The following RHOU variants were observed in gnomAD, a reference collection of about 807,000 sequenced individuals.
RHOU encodes ras homolog family member U, also known as rho-related GTP-binding protein RhoU.
RHOU carries 8 observed loss-of-function variants against 12.6 expected under a neutral mutation model. The ratio of observed to expected loss-of-function variants is 0.64; its 90% CI spans 0.37 to 1.15. RHOU has a LOEUF of 1.15. Among genes scored for constraint, RHOU ranks in the 50% most tolerant of loss-of-function variants. The probability of loss-of-function intolerance (pLI) is 0.01; values close to 1 mark genes in which losing one functional copy is unlikely to be tolerated. For missense variants in RHOU, 258 were observed against 347.0 expected (o/e 0.74, Z 2.04); for synonymous variants, 161 against 147.4 (o/e 1.09, Z -0.67).
the RHOU span, among the ~76,000 whole-genome samples, chr1:228,719,985 G>T: frequency 6.6e-6 from 1 of 151,980 alleles, no homozygotes; most frequent in Non-Finnish European, 1.5e-5. Flanking sequence ...TTAGACATAA[G>T]CACCCTTTTA....
chr1:228,741,277 C>T (rs1406888184), intron 2 of RHOU, among the ~76,000 whole-genome samples: 1 of 152,128 alleles, frequency 6.6e-6, no homozygotes, highest in Non-Finnish European at 1.5e-5. Flanking sequence ...CCTCATTGCA[C>T]GTGTGTATTG....
At chr1:228,671,477 G>A in the RHOU span, among the ~76,000 whole-genome samples, 1 of 152,046 alleles carries the variant, frequency 6.6e-6, no homozygotes, top group East Asian at 1.9e-4. Context: ...AGCACTTTGG[G>A]AGGCCGAGGC....
the RHOU span, among the ~76,000 whole-genome samples, chr1:228,697,116 A>G: frequency 6.6e-6 from 1 of 152,152 alleles, no homozygotes; most frequent in Admixed American, 6.5e-5. Context: ...GGACAGTTAG[A>G]TGTAATAAAA....
At chr1:228,741,677 A>G (rs977136815) in intron 2 of RHOU, among the ~76,000 whole-genome samples, 1 of 152,126 alleles carries the variant, frequency 6.6e-6, no homozygotes, top group Admixed American at 6.5e-5. Context: ...TTTTCTTTTT[A>G]AAAATTTTTT....
the RHOU span, among the ~76,000 whole-genome samples, chr1:228,663,000 C>T: frequency 2.0e-4 from 31 of 152,278 alleles, no homozygotes; most frequent in African/African-American, 7.5e-4. Context: ...CAGAGGTCCA[C>T]AACTACAGAT....
At chr1:228,734,323 G>A (rs1217626573), upstream of RHOU, among the ~76,000 whole-genome samples, 1 of 151,920 alleles carries the variant, frequency 6.6e-6, no homozygotes, top group South Asian at 2.1e-4. Flanking sequence ...ATCCATCTCT[G>A]CATTCTGACC....
At chr1:228,647,711 T>C in the RHOU span, among the ~76,000 whole-genome samples, 54 of 152,336 alleles carry the variant, frequency 3.5e-4, no homozygotes, top group African/African-American at 1.3e-3. Flanking sequence ...GTGTTTCTGC[T>C]GGATCCGGTT....
chr1:228,742,222 C>T (rs1414255899), intron 2 of RHOU, among the ~76,000 whole-genome samples: 1 of 152,172 alleles, frequency 6.6e-6, no homozygotes, highest in Non-Finnish European at 1.5e-5. Flanking sequence ...TGTCAGTTAG[C>T]TGAATATGGT....
At chr1:228,726,808 A>G in the RHOU span, among the ~76,000 whole-genome samples, 2 of 152,218 alleles carry the variant, frequency 1.3e-5, no homozygotes, top group East Asian at 3.9e-4. Context: ...TAAATATGAC[A>G]ATGCATGTAT....
chr1:228,677,945 G>A, the RHOU span, among the ~76,000 whole-genome samples: 1 of 152,184 alleles, frequency 6.6e-6, no homozygotes, highest in Non-Finnish European at 1.5e-5. Flanking sequence ...GACTGTGGTG[G>A]CCTTCTCAGA....
chr1:228,701,528 C>G, the RHOU span, among the ~76,000 whole-genome samples: 1 of 151,802 alleles, frequency 6.6e-6, no homozygotes, highest in Non-Finnish European at 1.5e-5. Context: ...AAGAGAAAAC[C>G]AAAGTTTGCT....
chr1:228,678,562 TAA>T, the RHOU span, among the ~76,000 whole-genome samples: 74 of 152,304 alleles, frequency 4.9e-4, 1 homozygote, highest in Non-Finnish European at 2.2e-4. Flanking sequence ...GAGTTTTTAT[TAA>T]AGAGGCATTA....
Position 228,735,690 on chromosome 1 carries a change from C to T in RHOU, c.-53C>T. The T allele has an allele frequency of 1.1e-5, 13 of 1,179,652 alleles. No individual in the cohort carries two copies. The highest frequency in any genetic ancestry group is 1.4e-5 in the Non-Finnish European group (13 of 953,608). The allele number at this position is 1,179,652 out of a possible 1,614,324, so 73.1% of individuals were successfully genotyped here. A position where few individuals can be genotyped will look rare whatever the true frequency, so the allele number is the denominator to read the frequency against. ...ACCGCAACCCTCCGGGGCGGAGGGG[C>T]GGTCGGGCCGGGCCCTGCTAGCCCG... On this transcript the variant is annotated 5_prime_UTR_variant, in exon 1 of 3. Transcript: ENST00000366691. This position sits in a 1 kb window ranked among gnomAD's most constrained non-coding sequence, Gnocchi z 8.1.
chr1:228,710,245 G>A, the RHOU span, among the ~76,000 whole-genome samples: 2 of 152,120 alleles, frequency 1.3e-5, no homozygotes, highest in African/African-American at 2.4e-5. Flanking sequence ...GGAGGAACTG[G>A]TACCATTCCT....
chr1:228,689,773 G>A, the RHOU span, among the ~76,000 whole-genome samples: 1 of 151,798 alleles, frequency 6.6e-6, no homozygotes, highest in Non-Finnish European at 1.5e-5. Context: ...CTGATGATCT[G>A]AGATGGAACA....
In RHOU at chr1:228,735,633, G is replaced by C; in HGVS notation, c.-110G>C. Reference sequence around the variant, plus strand: ...ACCGCCACTCTCCAGGGCCGGGGACGCGCCCGCAGCTGTCGGTGACAGCTC... The same window carrying C: ...ACCGCCACTCTCCAGGGCCGGGGACCCGCCCGCAGCTGTCGGTGACAGCTC... On this transcript the variant is annotated 5_prime_UTR_variant, in exon 1 of 3. Transcript: ENST00000366691. The surrounding 1 kb of genome is among the most constrained non-coding windows in gnomAD (Gnocchi z 8.1). 1.1e-6 allele frequency: 1 copy of C among 898,640 alleles called. No homozygotes were observed. Among genetic ancestry groups the C allele is most frequent in the Non-Finnish European group, 1.4e-6 (1 of 708,396 alleles). The allele number at this position is 898,640 out of a possible 1,614,324, so 55.7% of individuals were successfully genotyped here. A position where few individuals can be genotyped will look rare whatever the true frequency, so the allele number is the denominator to read the frequency against.
the RHOU span, among the ~76,000 whole-genome samples, chr1:228,682,488 T>C: frequency 1.3e-5 from 2 of 152,298 alleles, no homozygotes; most frequent in East Asian, 3.9e-4. Flanking sequence ...CATTAGTTCT[T>C]GCAGGTTTTG....
the RHOU span, among the ~76,000 whole-genome samples, chr1:228,677,050 C>T: frequency 2.6e-5 from 4 of 151,832 alleles, no homozygotes; most frequent in African/African-American, 7.3e-5. Context: ...AGTGTTGGGG[C>T]GGTGAAAATT....
At chr1:228,705,498 T>TA in the RHOU span, among the ~76,000 whole-genome samples, 1 of 152,152 alleles carries the variant, frequency 6.6e-6, no homozygotes, top group African/African-American at 2.4e-5. Flanking sequence ...TTGACTTAGC[T>TA]AATGATTTTT....
Sources: gnomAD v4.1 joint callset for allele counts (sites outside exome capture counted in the v4.1 genomes callset) on GRCh38, gnomAD v4.1.1 for gene constraint, Gnocchi (gnomAD v3.1) non-coding constraint, MANE v1.5 for transcripts, NCBI Gene and HGNC (gene_info 2026-07-23, HGNC 2026-07-21) for gene names.